Variants in MYOM3 observed in about 807,000 individuals in gnomAD.
The protein encoded by MYOM3 is myomesin 3, also known as myomesin-3.
MYOM3 carries 155 observed loss-of-function variants against 191.7 expected under a neutral mutation model. That is an observed-to-expected ratio of 0.81 (90% CI 0.71 to 0.92). MYOM3 has a LOEUF of 0.92. Among genes scored for constraint, MYOM3 ranks in the 40% least tolerant of loss-of-function variants. The probability of loss-of-function intolerance (pLI) is 0.00; values close to 1 mark genes in which losing one functional copy is unlikely to be tolerated. For missense variants in MYOM3, 1,889 were observed against 1,890.6 expected, an observed-to-expected ratio of 1.00 and a Z score of 0.02; for synonymous variants, 757 against 762.9, an observed-to-expected ratio of 0.99 and a Z score of 0.13.
chr1:24,058,239 C>T (rs1468633349), intron 36 of MYOM3, among the ~76,000 whole-genome samples: 1 of 152,178 alleles, frequency 6.6e-6, no homozygotes, highest in East Asian at 1.9e-4. Flanking sequence ...TACGATTTTA[C>T]AATGCAAGTA....
chr1:24,056,568 C>T lies in MYOM3; in HGVS notation c.*796G>A, dbSNP rs913109315. The T allele has an allele frequency of 6.6e-6, 1 of 152,234 alleles. No individual in the cohort carries two copies. The highest frequency in any genetic ancestry group is 1.5e-5 in the Non-Finnish European group (1 of 68,086). The allele number at this position is 152,234 out of a possible 1,614,324, so 9.4% of individuals were successfully genotyped here. A position where few individuals can be genotyped will look rare whatever the true frequency, so the allele number is the denominator to read the frequency against. ...ATTTTTAGTAGAGACCGGGTTTCGT[C>T]ATGTTGGCCAGGCTGGTCTAAAACT... On this transcript the variant is annotated 3_prime_UTR_variant, in exon 37 of 37. Transcript: ENST00000374434.
rs372014271 is a variant in MYOM3, at chr1:24,093,128, G to A, written c.929-20C>T. ...GGCTCCCTGTGGAGGGGAAGTGGGGGGCCATTGAGTTTGTGGGGGGTCCTG... is the reference window on the plus strand; with the variant it reads ...GGCTCCCTGTGGAGGGGAAGTGGGGAGCCATTGAGTTTGTGGGGGGTCCTG... On this transcript the variant is annotated intron_variant, in intron 9 of 36. Coordinates refer to ENST00000374434, the MANE Select transcript of MYOM3 (RefSeq NM_152372.4). 3.3e-4 allele frequency: 531 copies of A among 1,597,518 alleles called. No individual in the cohort carries two copies. The highest frequency in any genetic ancestry group is 8.3e-4 in the Middle Eastern group (5 of 6,014).
intron 32 of MYOM3, among the ~76,000 whole-genome samples, chr1:24,062,492 T>C (rs1177219116): frequency 3.3e-5 from 5 of 152,152 alleles, no homozygotes; most frequent in Non-Finnish European, 7.3e-5. Flanking sequence ...TCAAGCCTTC[T>C]CCATAGAGTG....
intron 25 of MYOM3, among the ~76,000 whole-genome samples, chr1:24,070,668 A>G (rs1010565539): frequency 1.3e-5 from 2 of 152,208 alleles, no homozygotes; most frequent in African/African-American, 4.8e-5. Flanking sequence ...CCAGGAGTTC[A>G]AGACCAACCT....
chr1:24,082,751 A>G, intron 16 of MYOM3, 37 bp from the exon 17 acceptor site: 1 of 1,556,818 alleles, frequency 6.4e-7, no homozygotes, highest in Non-Finnish European at 8.7e-7. Context: ...GGATGTACAA[A>G]CAGCCTGGAG....
chr1:24,108,730 T>C (rs963688408), intron 1 of MYOM3, 76 bp from the exon 2 acceptor site: 4 of 1,132,678 alleles, frequency 3.5e-6, no homozygotes, highest in Non-Finnish European at 4.9e-6. Context: ...CCAACATCTC[T>C]AGGAGGCTGG....
intron 29 of MYOM3, 144 bp from the exon 30 acceptor site, chr1:24,064,303 T>C (rs1044688921): frequency 1.6e-6 from 1 of 607,418 alleles, no homozygotes; most frequent in African/African-American, 1.9e-5. Flanking sequence ...TGGGCCTCCA[T>C]TTACTCATCT....
In MYOM3 at chr1:24,084,591, G is replaced by T. The variant is rs1345814346; in HGVS notation, c.1847C>A (p.Thr616Asn). The T allele has an allele frequency of 6.2e-7, 1 of 1,613,902 alleles. No individual in the cohort carries two copies. The highest frequency in any genetic ancestry group is 8.5e-7 in the Non-Finnish European group (1 of 1,179,978). The change falls in exon 16 of 37, where the codon ACC (threonine) becomes AAC (asparagine). Residue 616 changes from threonine (T) to asparagine (N), a missense_variant. Coordinates refer to ENST00000374434, the MANE Select transcript of MYOM3 (RefSeq NM_152372.4). The part of the protein sequence containing the change: ...AQVQAFRDTQ[T>N]SVSLTWDPVK... ...AGGATCCCATGTCAGGGAGACAGAG[G>T]TCTGTGTGTCTCTGAAAGCTTGAAC...
chr1:24,097,617 G>A (rs1643885415), intron 7 of MYOM3, among the ~76,000 whole-genome samples: 2 of 152,230 alleles, frequency 1.3e-5, no homozygotes, highest in African/African-American at 4.8e-5. Context: ...CTGGCACACA[G>A]TGAAGACTCA....
intron 35 of MYOM3, among the ~76,000 whole-genome samples, chr1:24,060,138 G>A (rs1233907278): frequency 1.3e-5 from 2 of 152,164 alleles, no homozygotes; most frequent in African/African-American, 4.8e-5. Flanking sequence ...CTATGGGCAG[G>A]GACATTCTCA....
intron 11 of MYOM3, among the ~76,000 whole-genome samples, chr1:24,091,710 C>T (rs2148555997): frequency 6.6e-6 from 1 of 152,320 alleles, no homozygotes; most frequent in Middle Eastern, 3.4e-3. Context: ...GGTCATGAGC[C>T]TGTCCGTGGC....
At chr1:24,068,802 C>T (rs1014795801) in intron 25 of MYOM3, among the ~76,000 whole-genome samples, 1 of 152,134 alleles carries the variant, frequency 6.6e-6, no homozygotes, top group Non-Finnish European at 1.5e-5. Flanking sequence ...CGGCTCACTG[C>T]AGCTTCTGCC....
In MYOM3 at chr1:24,106,080, G is replaced by A. The variant is rs769203450; in HGVS notation, c.403-3C>T. On this transcript the variant is annotated splice_region_variant and splice_polypyrimidine_tract_variant and intron_variant, in intron 4 of 36. Coordinates refer to ENST00000374434, the MANE Select transcript of MYOM3 (RefSeq NM_152372.4). Reference sequence around the variant, plus strand: ...GCCTCCTGGACCTTCTCCTCTGTCTGGAGGCGGGAAGAGGTGTATGACGCT... The same window carrying A: ...GCCTCCTGGACCTTCTCCTCTGTCTAGAGGCGGGAAGAGGTGTATGACGCT... The A allele has an allele frequency of 3.7e-6, 6 of 1,608,008 alleles. No individual in the cohort carries two copies. The African/African-American group carries it at 6.7e-5, about 18-fold the overall frequency.
At chr1:24,096,440 T>C (rs1025098657) in intron 7 of MYOM3, among the ~76,000 whole-genome samples, 1 of 151,938 alleles carries the variant, frequency 6.6e-6, no homozygotes. Context: ...GAAGGAGTGG[T>C]GGGAAGGACG....
At chr1:24,071,000 C>T in intron 25 of MYOM3, 117 bp downstream of exon 25, 1 of 1,302,510 alleles carries the variant, frequency 7.7e-7, no homozygotes, top group Non-Finnish European at 1.1e-6. Context: ...CAAAAGCACA[C>T]CGTCATTTCT....
Position 24,086,646 on chromosome 1 carries a change from G to A in MYOM3, c.1796C>T (p.Pro599Leu). ...PSEPIALRGP[P>L]ATLPPPAQVQ... ...GACCCCCGGCATCAGGAGGGTACCT[G>A]GCGGGCCCCGCAAGGCGATGGGTTC... The change falls in exon 15 of 37, where the codon CCA (proline) becomes CTA (leucine). Residue 599 changes from proline (P) to leucine (L), a missense_variant and splice_region_variant. Pro to Leu is a moderately conservative substitution (Grantham distance 98, BLOSUM62 -3). Transcript: ENST00000374434. The A allele has an allele frequency of 6.2e-7, 1 of 1,613,374 alleles. No individual in the cohort carries two copies. Among genetic ancestry groups the A allele is most frequent in the Non-Finnish European group, 8.5e-7 (1 of 1,179,594 alleles).
chr1:24,068,614 A>T (rs946040979), intron 25 of MYOM3, among the ~76,000 whole-genome samples: 1 of 152,112 alleles, frequency 6.6e-6, no homozygotes, highest in African/African-American at 2.4e-5. Context: ...GCTGGGGTGC[A>T]GTGGAGCGAT....
intron 13 of MYOM3, among the ~76,000 whole-genome samples, 182 bp downstream of exon 13, chr1:24,089,883 C>A (rs1643794244): frequency 6.6e-6 from 1 of 152,164 alleles, no homozygotes. Context: ...GTTCCCTCCT[C>A]CAGGAGGGCC....
At chr1:24,109,624 T>C (rs879419499) in intron 1 of MYOM3, among the ~76,000 whole-genome samples, 6 of 152,252 alleles carry the variant, frequency 3.9e-5, no homozygotes, top group Non-Finnish European at 8.8e-5. Flanking sequence ...GAACTTACTA[T>C]GTTCCATGCC....
Sources: allele counts gnomAD v4.1 joint callset (sites outside exome capture counted in the v4.1 genomes callset), GRCh38; gene constraint gnomAD v4.1.1; transcripts MANE v1.5; gene names NCBI Gene and HGNC (gene_info 2026-07-23, HGNC 2026-07-21).